The following CPXM2 variants were observed in gnomAD, a reference collection of about 807,000 sequenced individuals.
CPXM2 encodes the protein carboxypeptidase X, M14 family member 2.
CPXM2 carries 66 observed loss-of-function variants against 86.1 expected under a neutral mutation model. That is an observed-to-expected ratio of 0.77 (90% confidence interval 0.63 to 0.94). CPXM2 has a LOEUF of 0.94. Among genes scored for constraint, CPXM2 ranks in the 40% least tolerant of loss-of-function variants. The pLI, the probability that CPXM2 is intolerant of heterozygous loss-of-function variation, is 0.00. For synonymous variants in CPXM2, 388 were observed against 400.2 expected, an observed-to-expected ratio of 0.97 and a Z score of 0.36; for missense variants, 948 against 1,026.3, an observed-to-expected ratio of 0.92 and a Z score of 1.04.
chr10:123,760,858 T>C (rs1254160810), intron 11 of CPXM2, among the ~76,000 whole-genome samples: 1 of 152,188 alleles, frequency 6.6e-6, no homozygotes, highest in Non-Finnish European at 1.5e-5. Context: ...AGAGGTTAAG[T>C]AACTGGCCCT....
intron 4 of CPXM2, among the ~76,000 whole-genome samples, chr10:123,831,943 G>C (rs1251537230): frequency 6.8e-6 from 1 of 147,648 alleles, no homozygotes; most frequent in Non-Finnish European, 1.5e-5. Flanking sequence ...GTGGAGGCCG[G>C]GGGTGGGGGG....
At chr10:123,764,999 A>G (rs1364315270) in intron 10 of CPXM2, among the ~76,000 whole-genome samples, 1 of 152,048 alleles carries the variant, frequency 6.6e-6, no homozygotes, top group African/African-American at 2.4e-5. Flanking sequence ...TCTTTGACTT[A>G]TTCTTTAGAA....
chr10:123,818,146 G>T (rs900459884), intron 4 of CPXM2, among the ~76,000 whole-genome samples: 5 of 152,224 alleles, frequency 3.3e-5, no homozygotes, highest in Non-Finnish European at 7.3e-5. Context: ...TCACCAACAG[G>T]TGACCTCAGC....
intron 2 of CPXM2, among the ~76,000 whole-genome samples, chr10:123,917,961 T>C (rs35865634): frequency 0.35 from 53,424 of 152,024 alleles, 9,787 homozygotes; most frequent in Middle Eastern, 0.56. Context: ...TAGGAACACA[T>C]AAAGAAATTA....
chr10:123,757,210 T>C lies in CPXM2; in HGVS notation c.1917+3A>G, dbSNP rs112193011. Reference sequence around the variant, plus strand: ...TCATCCCAGCCACACACCCGCAATATACCTGCTCCATGAACACGATCAGAG... The same window carrying C: ...TCATCCCAGCCACACACCCGCAATACACCTGCTCCATGAACACGATCAGAG... On this transcript the variant is annotated splice_donor_region_variant and intron_variant, in intron 12 of 13. Transcript: ENST00000241305. 3.7e-6 allele frequency: 6 copies of C among 1,613,712 alleles called. No homozygotes were observed. Among genetic ancestry groups the C allele is most frequent in the Non-Finnish European group, 5.1e-6 (6 of 1,179,812 alleles).
chr10:123,822,343 C>T (rs1221748858), intron 4 of CPXM2, among the ~76,000 whole-genome samples: 2 of 152,166 alleles, frequency 1.3e-5, no homozygotes, highest in African/African-American at 4.8e-5. Context: ...AAATACTTGT[C>T]AATACCAGGT....
intron 4 of CPXM2, among the ~76,000 whole-genome samples, chr10:123,818,948 CA>C (rs1216694708): frequency 2.0e-5 from 3 of 152,136 alleles, no homozygotes; most frequent in Non-Finnish European, 4.4e-5. Flanking sequence ...GATCCACTAG[CA>C]AAATTTTCGC....
chr10:123,827,336 T>C (rs1848068628), intron 4 of CPXM2, among the ~76,000 whole-genome samples: 1 of 152,050 alleles, frequency 6.6e-6, no homozygotes, highest in Non-Finnish European at 1.5e-5. Context: ...TGAAGGAAGA[T>C]TTCATACCAA....
chr10:123,825,409 G>A (rs1291643031), intron 4 of CPXM2, among the ~76,000 whole-genome samples: 1 of 152,176 alleles, frequency 6.6e-6, no homozygotes, highest in Non-Finnish European at 1.5e-5. Flanking sequence ...GGAGGAATAC[G>A]GCACAGACCT....
At chr10:123,857,638 AAGGCGGCGTGGAGATGGAAGGCGGCGTG>A (rs1848760816) in intron 3 of CPXM2, among the ~76,000 whole-genome samples, 10 of 94,840 alleles carry the variant, frequency 1.1e-4, no homozygotes, top group Admixed American at 3.8e-4. Context: ...GTGGAGATGG[AAGGCGGCGTGGAGATGGAAGGCGGCGTG>A]GAGATGGAAG....
intron 6 of CPXM2, among the ~76,000 whole-genome samples, chr10:123,788,821 C>G (rs1263779470): frequency 6.7e-6 from 1 of 150,328 alleles, no homozygotes; most frequent in Non-Finnish European, 1.5e-5. Flanking sequence ...CACTAACTAT[C>G]GCCAAAGCGT....
intron 2 of CPXM2, chr10:123,914,163 A>T: frequency 2.2e-6 from 1 of 445,550 alleles, no homozygotes. Flanking sequence ...AGGTCAAAAC[A>T]GCTCTTGCCA....
intron 6 of CPXM2, among the ~76,000 whole-genome samples, chr10:123,781,192 G>T (rs983416993): frequency 6.6e-6 from 1 of 152,232 alleles, no homozygotes; most frequent in Non-Finnish European, 1.5e-5. Context: ...ACCCTGGCGG[G>T]TATAATCAGA....
chr10:123,808,875 C>T (rs758667295), intron 4 of CPXM2, among the ~76,000 whole-genome samples: 1 of 152,136 alleles, frequency 6.6e-6, no homozygotes, highest in Non-Finnish European at 1.5e-5. Flanking sequence ...CATCAGATGC[C>T]TTTGGAAGCA....
chr10:123,913,333 A>G (rs1945505377), intron 2 of CPXM2, among the ~76,000 whole-genome samples: 1 of 152,196 alleles, frequency 6.6e-6, no homozygotes. Context: ...TCAAAAGAGA[A>G]TATGTATTCT....
At chr10:123,835,394 G>A (rs1848257535) in intron 4 of CPXM2, among the ~76,000 whole-genome samples, 1 of 152,156 alleles carries the variant, frequency 6.6e-6, no homozygotes, top group South Asian at 2.1e-4. Flanking sequence ...AGCCAAGAAC[G>A]AGCCCCTTGT....
chr10:123,912,381 G>T (rs74162973), intron 2 of CPXM2, among the ~76,000 whole-genome samples: 3,444 of 151,572 alleles, frequency 0.023, 153 homozygotes, highest in African/African-American at 0.079. Context: ...CTGAACAGGT[G>T]AGAAAAGTGA....
At chr10:123,756,785 C>A (rs1331651262) in intron 12 of CPXM2, among the ~76,000 whole-genome samples, 1 of 152,188 alleles carries the variant, frequency 6.6e-6, no homozygotes, top group Admixed American at 6.5e-5. Flanking sequence ...AAGATGGCAG[C>A]CGAGGAGACA....
intron 6 of CPXM2, 121 bp downstream of exon 6, chr10:123,797,855 T>A: frequency 3.0e-6 from 3 of 990,192 alleles, no homozygotes; most frequent in Non-Finnish European, 3.9e-6. Flanking sequence ...CCCAAAATGC[T>A]GGGATTACAG....
Sources: gnomAD v4.1 joint callset for allele counts (sites outside exome capture counted in the v4.1 genomes callset) on GRCh38, gnomAD v4.1.1 for gene constraint, MANE v1.5 for transcripts, NCBI Gene and HGNC (gene_info 2026-07-23, HGNC 2026-07-21) for gene names.